The following DCBLD1 variants were observed in gnomAD, a reference collection of about 807,000 sequenced individuals.
DCBLD1 encodes discoidin, CUB and LCCL domain-containing protein 1.
Under a neutral mutation model 71.5 loss-of-function variants are expected in DCBLD1, and 57 were observed. The observed-to-expected ratio is 0.80, with a 90% CI of 0.64 to 0.99. The LOEUF is 0.99. Ranked by LOEUF, DCBLD1 falls within the 50% of genes least tolerant of loss-of-function variation. The pLI is 0.00. For synonymous variants in DCBLD1, 380 were observed against 363.8 expected (o/e 1.04, Z -0.51); for missense variants, 891 against 923.5 (o/e 0.96, Z 0.46).
intron 1 of DCBLD1, among the ~76,000 whole-genome samples, chr6:117,495,738 A>T (rs964213566): frequency 1.3e-5 from 2 of 152,244 alleles, no homozygotes; most frequent in Non-Finnish European, 2.9e-5. Context: ...AAGTCTCAAG[A>T]CTGGAGAGTG....
At chr6:117,502,830 AT>A (rs1345789682) in intron 1 of DCBLD1, among the ~76,000 whole-genome samples, 2 of 152,236 alleles carry the variant, frequency 1.3e-5, no homozygotes, top group Non-Finnish European at 2.9e-5. Flanking sequence ...CCAGTTGTGC[AT>A]GTCCTTGGAT....
intron 4 of DCBLD1, among the ~76,000 whole-genome samples, chr6:117,523,658 C>T (rs781735552): frequency 2.0e-5 from 3 of 152,036 alleles, no homozygotes; most frequent in Non-Finnish European, 2.9e-5. Context: ...CTTAATTCCG[C>T]GAGTACTGCT....
At chr6:117,547,530 T>C (rs1046398859) in intron 14 of DCBLD1, 1 of 507,518 alleles carries the variant, frequency 2.0e-6, no homozygotes, top group Non-Finnish European at 4.0e-6. Context: ...CCTCATACTC[T>C]GGCCATATCA....
At chr6:117,527,772 G>C (rs1465879830) in intron 5 of DCBLD1, among the ~76,000 whole-genome samples, 2 of 152,000 alleles carry the variant, frequency 1.3e-5, no homozygotes, top group Non-Finnish European at 2.9e-5. Context: ...GAGTGGAGAT[G>C]GGGGTGGTCT....
intron 6 of DCBLD1, among the ~76,000 whole-genome samples, chr6:117,534,281 CAT>C (rs1345661748): frequency 2.0e-5 from 3 of 152,172 alleles, no homozygotes; most frequent in Non-Finnish European, 4.4e-5. Context: ...ACATTTTTCA[CAT>C]AAATATTTGC....
intron 1 of DCBLD1, chr6:117,494,946 C>A (rs75894267): frequency 1.3e-5 from 2 of 152,146 alleles, no homozygotes; most frequent in Non-Finnish European, 2.9e-5. Context: ...AACTGCAACA[C>A]GCATCAGAGC....
At chr6:117,504,110 G>A in intron 2 of DCBLD1, 131 bp downstream of exon 2, 1 of 983,952 alleles carries the variant, frequency 1.0e-6, no homozygotes, top group Non-Finnish European at 1.5e-6. Context: ...AAATTCTTGG[G>A]GGTAACTTAG....
intron 8 of DCBLD1, 35 bp from the exon 9 acceptor site, chr6:117,539,220 T>C: frequency 6.7e-7 from 1 of 1,495,784 alleles, no homozygotes; most frequent in South Asian, 1.4e-5. Flanking sequence ...TAACAAACTT[T>C]TAAAAATAGC....
chr6:117,565,759 G>A (rs528125838), intron 14 of DCBLD1, among the ~76,000 whole-genome samples: 1 of 152,264 alleles, frequency 6.6e-6, no homozygotes, highest in South Asian at 2.1e-4. Flanking sequence ...TGTCTTTCCT[G>A]AAGTGATGGA....
At chr6:117,537,782 C>T (rs982621984) in intron 7 of DCBLD1, among the ~76,000 whole-genome samples, 2 of 142,856 alleles carry the variant, frequency 1.4e-5, no homozygotes, top group African/African-American at 5.2e-5. Flanking sequence ...ACCAAATCTT[C>T]TTGACTTAAC....
At chr6:117,485,946 A>G (rs574622643) in intron 1 of DCBLD1, among the ~76,000 whole-genome samples, 2 of 152,368 alleles carry the variant, frequency 1.3e-5, no homozygotes, top group South Asian at 2.1e-4. Flanking sequence ...ATAATTTGTA[A>G]CACTCAGAAA....
intron 5 of DCBLD1, among the ~76,000 whole-genome samples, chr6:117,530,552 TG>T (rs1778682450): frequency 6.6e-6 from 1 of 152,126 alleles, no homozygotes; most frequent in Admixed American, 6.5e-5. Flanking sequence ...GTCCACAGCC[TG>T]GGGGCTTGGG....
chr6:117,519,915 G>A lies in DCBLD1; in HGVS notation c.425G>A (p.Gly142Asp). Residue 142 changes from glycine to aspartate, a missense_variant, in exon 3 of 15, where the codon GGT becomes GAT. Coordinates refer to ENST00000338728, the MANE Select transcript of DCBLD1 (RefSeq NM_001366458.2). Reference protein sequence around the residue: ...FESGSHISGRGFLLTYASSDH... With the variant: ...FESGSHISGRDFLLTYASSDH... The stretch of plus-strand genomic sequence containing the variant: ...AGTGGATCCCACATTTCTGGCCGGG[G>A]TTTTTTGCTGACCTATGCGAGCAGC... 3 of 1,614,120 alleles carry A rather than the reference G, an allele frequency of 1.9e-6. No individual in the cohort carries two copies. Among genetic ancestry groups the A allele is most frequent in the Non-Finnish European group, 2.5e-6 (3 of 1,180,008 alleles).
At chr6:117,520,262 G>A (rs1288656541) in intron 3 of DCBLD1, among the ~76,000 whole-genome samples, 2 of 152,146 alleles carry the variant, frequency 1.3e-5, no homozygotes, top group South Asian at 2.1e-4. Context: ...TATGTTTTAC[G>A]AAACTTTAGG....
chr6:117,499,463 A>G (rs1454346996), intron 1 of DCBLD1, among the ~76,000 whole-genome samples: 5 of 152,086 alleles, frequency 3.3e-5, no homozygotes, highest in African/African-American at 7.2e-5. Context: ...TGCAAAGAGT[A>G]TAAAAAAGTA....
intron 14 of DCBLD1, chr6:117,562,582 TG>T (rs1779606808): frequency 4.9e-6 from 1 of 202,648 alleles, no homozygotes; most frequent in African/African-American, 2.3e-5. Context: ...AAAAGTAAAA[TG>T]TTTAGTAACT....
At chr6:117,534,751 T>C (rs1778831210) in intron 6 of DCBLD1, among the ~76,000 whole-genome samples, 1 of 150,220 alleles carries the variant, frequency 6.7e-6, no homozygotes, top group South Asian at 2.1e-4. Context: ...TATAATATAT[T>C]TTATATAATT....
chr6:117,499,891 G>A (rs1777595226), intron 1 of DCBLD1, among the ~76,000 whole-genome samples: 1 of 152,328 alleles, frequency 6.6e-6, no homozygotes, highest in South Asian at 2.1e-4. Flanking sequence ...GGTAGCGCAT[G>A]CCTGTAATCG....
intron 14 of DCBLD1, among the ~76,000 whole-genome samples, chr6:117,546,204 T>C (rs1341326179): frequency 6.6e-6 from 1 of 152,144 alleles, no homozygotes; most frequent in African/African-American, 2.4e-5. Flanking sequence ...GACATAAAAT[T>C]AAGAGTAATA....
Sources: gnomAD v4.1 joint callset for allele counts (sites outside exome capture counted in the v4.1 genomes callset) on GRCh38, gnomAD v4.1.1 for gene constraint, MANE v1.5 for transcripts, NCBI Gene and HGNC (gene_info 2026-07-23, HGNC 2026-07-21) for gene names.